Variants in FBXL17 observed in about 807,000 individuals in gnomAD.
The protein encoded by FBXL17 is F-box and leucine rich repeat protein 17.
Under a neutral mutation model 66.2 loss-of-function variants are expected in FBXL17, and 22 were observed. That is an observed-to-expected ratio of 0.33 (90% CI 0.24 to 0.47). FBXL17 has a LOEUF of 0.47. Among genes scored for constraint, FBXL17 ranks in the 20% least tolerant of loss-of-function variants. The pLI is 1.00. For missense variants in FBXL17, 878 were observed against 948.2 expected, an observed-to-expected ratio of 0.93 and a Z score of 0.97; for synonymous variants, 474 against 400.5, an observed-to-expected ratio of 1.18 and a Z score of -2.19.
intron 6 of FBXL17, among the ~76,000 whole-genome samples, chr5:108,134,847 AC>A (rs1303230630): frequency 6.6e-6 from 1 of 152,114 alleles, no homozygotes; most frequent in Non-Finnish European, 1.5e-5. Flanking sequence ...TCCCCCACTT[AC>A]AAATTAAGTC....
intron 7 of FBXL17, among the ~76,000 whole-genome samples, chr5:107,913,680 G>A (rs549249597): frequency 2.0e-4 from 30 of 152,128 alleles, no homozygotes; most frequent in Non-Finnish European, 3.8e-4. Context: ...ACACTCTAAC[G>A]CTTAGACTCC....
chr5:107,894,804 A>G (rs991099387), intron 7 of FBXL17, among the ~76,000 whole-genome samples: 2 of 152,148 alleles, frequency 1.3e-5, no homozygotes, highest in Non-Finnish European at 2.9e-5. Flanking sequence ...CTGAATTGCA[A>G]CTATAAGAAT....
At chr5:108,004,605 T>G (rs1240846412) in intron 7 of FBXL17, among the ~76,000 whole-genome samples, 1 of 152,164 alleles carries the variant, frequency 6.6e-6, no homozygotes, top group East Asian at 1.9e-4. Context: ...GGGAAAGTAC[T>G]CCAGCCTGGG....
intron 6 of FBXL17, among the ~76,000 whole-genome samples, chr5:108,128,103 G>A (rs1006422186): frequency 2.6e-5 from 4 of 151,990 alleles, no homozygotes; most frequent in Admixed American, 1.3e-4. Flanking sequence ...GAAATTAGCT[G>A]GGCGTGGTGG....
intron 4 of FBXL17, among the ~76,000 whole-genome samples, chr5:108,227,798 T>G (rs1755161424): frequency 6.6e-6 from 1 of 152,206 alleles, no homozygotes; most frequent in Non-Finnish European, 1.5e-5. Context: ...TAGGCTTTCC[T>G]GACACTTAGC....
chr5:108,300,664 T>C (rs897439522), intron 4 of FBXL17, among the ~76,000 whole-genome samples: 10 of 151,788 alleles, frequency 6.6e-5, no homozygotes, highest in African/African-American at 2.4e-4. Context: ...CTTCTAGACC[T>C]AAAAATTATT....
chr5:108,049,276 G>C (rs1033045210), intron 6 of FBXL17, among the ~76,000 whole-genome samples: 5 of 151,692 alleles, frequency 3.3e-5, no homozygotes, highest in Non-Finnish European at 7.4e-5. Context: ...CCAAGTAGAT[G>C]GGATTACAGG....
In FBXL17 at chr5:108,027,941, G is replaced by A. The variant is rs186233321; in HGVS notation, c.1746-6940C>T. 3.0e-4 allele frequency among the ~76,000 whole-genome samples: 45 copies of A among 152,120 alleles called. No homozygotes were observed. The Middle Eastern group carries it at 0.01, about 34-fold the overall frequency. On this transcript the variant is annotated intron_variant, in intron 6 of 8. Transcript: ENST00000542267. ...GTGAGTTTCCATCAATTCATAATCC[G>A]TAACTCTAATGGAATCCAGATACTG... is the stretch of plus-strand genomic sequence containing the variant.
chr5:108,350,776 A>T (rs746656264), intron 3 of FBXL17, among the ~76,000 whole-genome samples: 26 of 152,354 alleles, frequency 1.7e-4, no homozygotes, highest in Non-Finnish European at 2.9e-4. Flanking sequence ...ATGTTTTCAG[A>T]CATACAAGTT....
At position 108,025,706 on chromosome 5, in the gene FBXL17, C is replaced by A. The variant is rs867807056; in HGVS notation, c.1746-4705G>T. On this transcript the variant is annotated intron_variant, in intron 6 of 8. Coordinates refer to ENST00000542267, the MANE Select transcript of FBXL17 (RefSeq NM_001163315.3). The stretch of plus-strand genomic sequence containing the variant: ...ACACACACACACACACACACACAAA[C>A]ACACACACACACGCGCGCGCGCACA... 6.7e-3 allele frequency among the ~76,000 whole-genome samples: 618 copies of A among 91,820 alleles called. 4 individuals are homozygous for A. The highest frequency in any genetic ancestry group is 0.023 in the African/African-American group (531 of 23,202). The allele number at this position is 91,820 out of a possible 152,430, so 60.2% of individuals were successfully genotyped here.
intron 8 of FBXL17, among the ~76,000 whole-genome samples, chr5:107,875,361 A>G (rs1320947793): frequency 2.6e-5 from 4 of 152,104 alleles, no homozygotes; most frequent in African/African-American, 9.7e-5. Context: ...TATTTTCCCC[A>G]TAGGGCTTTC....
intron 2 of FBXL17, among the ~76,000 whole-genome samples, chr5:108,366,254 T>C (rs1376832661): frequency 2.0e-5 from 3 of 152,074 alleles, no homozygotes; most frequent in South Asian, 2.1e-4. Flanking sequence ...ATCTGAATTT[T>C]TGTTTTAAAA....
intron 4 of FBXL17, among the ~76,000 whole-genome samples, chr5:108,296,947 C>T (rs951019935): frequency 1.3e-5 from 2 of 150,920 alleles, no homozygotes; most frequent in African/African-American, 2.4e-5. Context: ...AGATAATATA[C>T]TTTTTTCATT....
intron 7 of FBXL17, among the ~76,000 whole-genome samples, chr5:108,006,818 A>G (rs1753943099): frequency 6.6e-6 from 1 of 152,212 alleles, no homozygotes; most frequent in South Asian, 2.1e-4. Context: ...ATCCTTTACT[A>G]TGTACTTCAG....
chr5:107,941,969 T>G (rs1464941485), intron 7 of FBXL17, among the ~76,000 whole-genome samples: 1 of 152,158 alleles, frequency 6.6e-6, no homozygotes, highest in African/African-American at 2.4e-5. Flanking sequence ...AGATTCTGAC[T>G]GTTCACTCTC....
At chr5:108,335,395 G>C (rs1182079773) in intron 4 of FBXL17, among the ~76,000 whole-genome samples, 1 of 150,828 alleles carries the variant, frequency 6.6e-6, no homozygotes, top group Non-Finnish European at 1.5e-5. Flanking sequence ...GACCAGAAGA[G>C]GAAACTGCAT....
At chr5:107,999,481 AC>A (rs1753628450) in intron 7 of FBXL17, among the ~76,000 whole-genome samples, 1 of 148,584 alleles carries the variant, frequency 6.7e-6, no homozygotes, top group African/African-American at 2.6e-5. Flanking sequence ...ACACACACAC[AC>A]ACCACACACA....
chr5:108,230,864 G>T (rs929365306), intron 4 of FBXL17, among the ~76,000 whole-genome samples: 2 of 152,066 alleles, frequency 1.3e-5, no homozygotes, highest in African/African-American at 4.8e-5. Flanking sequence ...GGTGATGGGT[G>T]CACCAAAATC....
intron 7 of FBXL17, among the ~76,000 whole-genome samples, chr5:107,945,521 A>C (rs1191682184): frequency 1.3e-5 from 2 of 152,206 alleles, no homozygotes; most frequent in Non-Finnish European, 2.9e-5. Context: ...ATGGTATAAC[A>C]TATAAGAGCA....
Sources: allele counts gnomAD v4.1 joint callset (sites outside exome capture counted in the v4.1 genomes callset), GRCh38; gene constraint gnomAD v4.1.1; transcripts MANE v1.5; gene names NCBI Gene and HGNC (gene_info 2026-07-23, HGNC 2026-07-21).